Variants in ENPP6 observed in about 807,000 individuals in gnomAD.
ENPP6 encodes ectonucleotide pyrophosphatase/phosphodiesterase 6, also known as glycerophosphocholine cholinephosphodiesterase ENPP6.
In ENPP6, 32 loss-of-function variants were observed where a neutral mutation model predicts 42.0. That is an observed-to-expected ratio of 0.76 (90% CI 0.58 to 1.02). ENPP6 has a LOEUF of 1.02. Among genes scored for constraint, ENPP6 ranks in the 50% least tolerant of loss-of-function variants. The pLI is 0.00. For synonymous variants in ENPP6, 213 were observed against 216.0 expected, an observed-to-expected ratio of 0.99 and a Z score of 0.12; for missense variants, 552 against 566.8, an observed-to-expected ratio of 0.97 and a Z score of 0.27.
intron 1 of ENPP6, among the ~76,000 whole-genome samples, chr4:184,189,032 A>T (rs1417815731): frequency 6.6e-6 from 1 of 152,236 alleles, no homozygotes; most frequent in Non-Finnish European, 1.5e-5. Context: ...CAGGGTGACC[A>T]TTCAAGTCTG....
At chr4:184,115,435 G>A (rs2111344992) in intron 5 of ENPP6, among the ~76,000 whole-genome samples, 1 of 152,324 alleles carries the variant, frequency 6.6e-6, no homozygotes, top group South Asian at 2.1e-4. Context: ...CTGCCAGGCA[G>A]AATATTTGTT....
intron 1 of ENPP6, among the ~76,000 whole-genome samples, chr4:184,164,583 C>T (rs1737319946): frequency 6.6e-6 from 1 of 152,114 alleles, no homozygotes; most frequent in African/African-American, 2.4e-5. Context: ...AGCTAAAGAA[C>T]CAAGGAATTT....
intron 5 of ENPP6, among the ~76,000 whole-genome samples, chr4:184,113,651 A>G (rs1736250965): frequency 6.6e-6 from 1 of 152,192 alleles, no homozygotes; most frequent in Admixed American, 6.5e-5. Context: ...AAAAAAGAGG[A>G]TTTGTTCTTC....
intron 2 of ENPP6, among the ~76,000 whole-genome samples, chr4:184,125,747 T>G (rs998431141): frequency 6.6e-6 from 1 of 152,192 alleles, no homozygotes; most frequent in African/African-American, 2.4e-5. Context: ...GCAGGAAGTT[T>G]CCTTTTCCAA....
Position 184,134,785 on chromosome 4 carries a change from C to G in ENPP6, c.422-10513G>C, listed in dbSNP as rs939861047. Among the ~76,000 whole-genome samples, 9 of 150,800 alleles carry G rather than the reference C, an allele frequency of 6.0e-5. No individual in the cohort carries two copies. The South Asian group carries it at 1.9e-3, about 32-fold the overall frequency. ...TACATTTGGGGATAATTAAATTTGC[C>G]TTGAATTAGAGACAAATAATTACTT... On this transcript the variant is annotated intron_variant, in intron 2 of 7. Coordinates refer to ENST00000296741, the MANE Select transcript of ENPP6 (RefSeq NM_153343.4).
At chr4:184,153,464 C>T (rs1737092046) in intron 2 of ENPP6, 90 bp downstream of exon 2, 14 of 1,400,962 alleles carry the variant, frequency 1.0e-5, no homozygotes, top group Admixed American at 4.8e-5. Context: ...TTCCAAACCA[C>T]GGCTTGGTCT....
intron 1 of ENPP6, among the ~76,000 whole-genome samples, chr4:184,155,515 G>A (rs1303085899): frequency 6.6e-6 from 1 of 152,094 alleles, no homozygotes; most frequent in Non-Finnish European, 1.5e-5. Context: ...AAATTGGAAG[G>A]GGGTGTGGGA....
At chr4:184,136,814 G>A (rs1175112376) in intron 2 of ENPP6, among the ~76,000 whole-genome samples, 1 of 152,132 alleles carries the variant, frequency 6.6e-6, no homozygotes, top group East Asian at 1.9e-4. Flanking sequence ...GCTCTTTCCT[G>A]TTTCACAGCA....
At chr4:184,209,430 G>A (rs1238244488) in intron 1 of ENPP6, among the ~76,000 whole-genome samples, 35 of 151,756 alleles carry the variant, frequency 2.3e-4, no homozygotes, top group Admixed American at 3.9e-4. Context: ...CGAGAACTAC[G>A]TGAAGAATGC....
At chr4:184,186,245 T>C (rs1732632903) in intron 1 of ENPP6, among the ~76,000 whole-genome samples, 2 of 152,324 alleles carry the variant, frequency 1.3e-5, no homozygotes, top group South Asian at 4.1e-4. Context: ...GAAAAAACTA[T>C]GGATACATGT....
At position 184,130,493 on chromosome 4, in the gene ENPP6, GC is replaced by G; in HGVS notation, c.422-6222del. 2.6e-5 allele frequency among the ~76,000 whole-genome samples: 2 copies of G among 78,098 alleles called. 1 individual carries two copies. The highest frequency in any genetic ancestry group is 9.6e-5 in the African/African-American group (2 of 20,846). 51.2% of individuals were successfully genotyped at this position (78,098 alleles called of 152,430 possible). ...GAATGGCGTGAACCCGGGAGGCGGAGCTTGCAGTGAGCCGAGATCACACCAC... is the reference window on the plus strand; with the variant it reads ...GAATGGCGTGAACCCGGGAGGCGGAGTTGCAGTGAGCCGAGATCACACCAC... On this transcript the variant is annotated intron_variant, in intron 2 of 7. Transcript: ENST00000296741.
chr4:184,139,539 A>G (rs1736786544), intron 2 of ENPP6, among the ~76,000 whole-genome samples: 1 of 135,794 alleles, frequency 7.4e-6, no homozygotes, highest in African/African-American at 2.8e-5. Flanking sequence ...GCAGAGTGTG[A>G]TGTTCCCCTT....
At chr4:184,206,450 G>T (rs566515518) in intron 1 of ENPP6, among the ~76,000 whole-genome samples, 1 of 138,900 alleles carries the variant, frequency 7.2e-6, no homozygotes, top group South Asian at 2.4e-4. Flanking sequence ...TAGAGACGGG[G>T]TTTCACCGTG....
chr4:184,216,959 G>C (rs1733205986), intron 1 of ENPP6: 1 of 152,066 alleles, frequency 6.6e-6, no homozygotes. Flanking sequence ...ATCACAAATG[G>C]GGAACCTGAA....
intron 7 of ENPP6, among the ~76,000 whole-genome samples, chr4:184,094,314 T>G (rs1322038975): frequency 1.3e-5 from 2 of 152,188 alleles, no homozygotes; most frequent in African/African-American, 4.8e-5. Context: ...TCTTTAACAC[T>G]TCACAGGAAA....
Position 184,090,986 on chromosome 4 carries a change from A to G in ENPP6, c.*191T>C, listed in dbSNP as rs1560974778. 3 of 522,026 alleles carry G rather than the reference A, an allele frequency of 5.7e-6. No homozygotes were observed. The highest frequency in any genetic ancestry group is 9.3e-6 in the Non-Finnish European group (3 of 323,196). 32.3% of individuals were successfully genotyped at this position (522,026 alleles called of 1,614,324 possible). ...CTAGGATTTTCCTACCTTCTGGAAA[A>G]ACAAGGTTTGTATCTTTTTTAACAA... On this transcript the variant is annotated 3_prime_UTR_variant, in exon 8 of 8. Transcript: ENST00000296741.
chr4:184,097,033 C>CA (rs1355265704), intron 7 of ENPP6, among the ~76,000 whole-genome samples: 1 of 152,190 alleles, frequency 6.6e-6, no homozygotes, highest in East Asian at 1.9e-4. Flanking sequence ...ATTTACAAGG[C>CA]AAAGTATTTG....
intron 2 of ENPP6, 33 bp downstream of exon 2, chr4:184,153,521 T>G: frequency 6.3e-7 from 1 of 1,587,054 alleles, no homozygotes; most frequent in South Asian, 1.1e-5. Context: ...TCTATGATGA[T>G]TTGAGATTTG....
chr4:184,131,258 C>CT lies in ENPP6; in HGVS notation c.422-6987dup, dbSNP rs1289670998. ...TCCTTTTCTTTCTTTCTTTCTCTTT[C>CT]TCTTCCTTCCTTCCTTCCTTCCTTC... On this transcript the variant is annotated intron_variant, in intron 2 of 7. Transcript: ENST00000296741. Among the ~76,000 whole-genome samples, 3 of 36,190 alleles carry CT rather than the reference C, an allele frequency of 8.3e-5. 1 individual carries two copies. Among genetic ancestry groups the CT allele is most frequent in the Admixed American group, 6.3e-4 (2 of 3,170 alleles). The allele number at this position is 36,190 out of a possible 152,430, so 23.7% of individuals were successfully genotyped here.
Sources: gnomAD v4.1 joint callset for allele counts (sites outside exome capture counted in the v4.1 genomes callset) on GRCh38, gnomAD v4.1.1 for gene constraint, MANE v1.5 for transcripts, NCBI Gene and HGNC (gene_info 2026-07-23, HGNC 2026-07-21) for gene names.